COPG2: variants seen among roughly 807,000 people sequenced by gnomAD.
The protein encoded by COPG2 is coat protein complex I subunit gamma 2, also known as coatomer subunit gamma-2.
COPG2 carries 37 observed loss-of-function variants against 46.3 expected under a neutral mutation model. That is an observed-to-expected ratio of 0.80 (90% CI 0.61 to 1.05). The LOEUF (loss-of-function observed/expected upper bound fraction) is 1.05, where lower values mean the gene tolerates loss of function less well. Ranked by LOEUF, COPG2 falls within the 50% of genes least tolerant of loss-of-function variation. The pLI is 0.00. For missense variants in COPG2, 427 were observed against 387.8 expected (o/e 1.10, Z -0.85); for synonymous variants, 159 against 129.7 (o/e 1.23, Z -1.53).
At chr7:130,637,457 C>T (rs543855587) in intron 5 of COPG2, among the ~76,000 whole-genome samples, 3 of 152,264 alleles carry the variant, frequency 2.0e-5, no homozygotes, top group African/African-American at 7.2e-5. Flanking sequence ...TGTCTTCACA[C>T]TTTATTTCAT....
intron 5 of COPG2, among the ~76,000 whole-genome samples, chr7:130,642,575 C>G (rs1361240926): frequency 2.0e-5 from 3 of 152,174 alleles, no homozygotes; most frequent in African/African-American, 7.2e-5. Context: ...CCTGAATCAG[C>G]AATTTTTTCC....
At position 130,506,531 on chromosome 7, in the gene COPG2, G is replaced by C. The variant is rs868973477; in HGVS notation, c.*145C>G. ...CATGCGCAAAGATAGACATTTGCTT[G>C]ATCTGCTGGCTCAGGGCCAAATGTT... On this transcript the variant is annotated 3_prime_UTR_variant, in exon 24 of 24. Coordinates refer to ENST00000425248, the MANE Select transcript of COPG2 (RefSeq NM_012133.6). 1 of 455,282 alleles carries C rather than the reference G, an allele frequency of 2.2e-6. No homozygotes were observed. The highest frequency in any genetic ancestry group is 2.1e-5 in the African/African-American group (1 of 48,282). 28.2% of individuals were successfully genotyped at this position (455,282 alleles called of 1,614,324 possible). A position where few individuals can be genotyped will look rare whatever the true frequency, so the allele number is the denominator to read the frequency against.
chr7:130,640,210 G>A (rs1429812662), intron 5 of COPG2, among the ~76,000 whole-genome samples: 1 of 142,422 alleles, frequency 7.0e-6, no homozygotes, highest in African/African-American at 2.6e-5. Context: ...AGAGAGATGG[G>A]CTTCTTTCTC....
In COPG2 at chr7:130,667,436, A is replaced by T. The variant is rs1469167606; in HGVS notation, c.90+46T>A. The T allele has an allele frequency of 2.6e-6, 4 of 1,538,778 alleles. No homozygotes were observed. In the Admixed American group the frequency reaches 6.8e-5, roughly 26 times the overall value. Reference sequence around the variant, plus strand: ...CCAGGGATTCTCTGCCCACCACTCTAAAACAGAATAGAAAAGAAAGGGCAC... The same window carrying T: ...CCAGGGATTCTCTGCCCACCACTCTTAAACAGAATAGAAAAGAAAGGGCAC... On this transcript the variant is annotated intron_variant, in intron 2 of 23. Coordinates refer to ENST00000425248, the MANE Select transcript of COPG2 (RefSeq NM_012133.6).
At chr7:130,636,199 T>C (rs1481766095) in intron 5 of COPG2, among the ~76,000 whole-genome samples, 1 of 152,174 alleles carries the variant, frequency 6.6e-6, no homozygotes, top group Non-Finnish European at 1.5e-5. Context: ...GGTGGAGAGT[T>C]CTGTAGATTT....
Position 130,550,660 on chromosome 7 carries a change from T to A in COPG2, c.1649-11A>T. ...CAGAGACCGTCAAACCTGTGAAACA[T>A]AGAGAAATCTCAGCATTATAACCTC... On this transcript the variant is annotated splice_polypyrimidine_tract_variant and intron_variant, in intron 16 of 23. Transcript: ENST00000425248. 2.5e-6 allele frequency: 1 copy of A among 396,936 alleles called. No individual in the cohort carries two copies. Among genetic ancestry groups the A allele is most frequent in the Non-Finnish European group, 4.4e-6 (1 of 225,066 alleles). The allele number at this position is 396,936 out of a possible 1,614,324, so 24.6% of individuals were successfully genotyped here.
intron 9 of COPG2, among the ~76,000 whole-genome samples, chr7:130,577,935 T>C (rs1318716368): frequency 1.3e-5 from 2 of 152,106 alleles, no homozygotes; most frequent in Non-Finnish European, 2.9e-5. Context: ...GCGCCCGCCA[T>C]TGCCCAGGCT....
intron 20 of COPG2, among the ~76,000 whole-genome samples, chr7:130,529,504 C>G (rs1314349332): frequency 3.9e-5 from 6 of 152,022 alleles, no homozygotes; most frequent in Non-Finnish European, 5.9e-5. Flanking sequence ...GTAAAGGGGC[C>G]AAGTGAATAG....
chr7:130,510,499 T>C (rs531227558), intron 20 of COPG2, among the ~76,000 whole-genome samples: 3 of 152,250 alleles, frequency 2.0e-5, no homozygotes, highest in East Asian at 1.9e-4. Context: ...ACATTAATTA[T>C]AGCAACCCAG....
chr7:130,602,212 G>A (rs1016921216), intron 9 of COPG2, among the ~76,000 whole-genome samples: 17 of 152,110 alleles, frequency 1.1e-4, no homozygotes, highest in Non-Finnish European at 2.2e-4. Flanking sequence ...ACTTCTAACC[G>A]ATTTCTTTCC....
chr7:130,553,650 G>A (rs1402917789), intron 14 of COPG2, among the ~76,000 whole-genome samples: 2 of 152,130 alleles, frequency 1.3e-5, no homozygotes, highest in African/African-American at 4.8e-5. Context: ...AGACATGACT[G>A]GAATGTCACA....
intron 5 of COPG2, among the ~76,000 whole-genome samples, chr7:130,621,205 C>T (rs1445664018): frequency 6.6e-6 from 1 of 152,194 alleles, no homozygotes; most frequent in Admixed American, 6.5e-5. Flanking sequence ...TGCCCTAGAG[C>T]CTGCAGAAGG....
At position 130,587,400 on chromosome 7, in the gene COPG2, G is replaced by C. The variant is rs563802795; in HGVS notation, c.738-23007C>G. 2.0e-5 allele frequency among the ~76,000 whole-genome samples: 3 copies of C among 152,108 alleles called. No homozygotes were observed. The South Asian group carries it at 6.2e-4, about 32-fold the overall frequency. On this transcript the variant is annotated intron_variant, in intron 9 of 23. Coordinates refer to ENST00000425248, the MANE Select transcript of COPG2 (RefSeq NM_012133.6). ...GTCCTAAAATGCTTTCCAATATCCA[G>C]TTGGATATTGTTACTACAAAAATCA...
In COPG2 at chr7:130,582,816, T is replaced by C. The variant is rs1344400585; in HGVS notation, c.738-18423A>G. The stretch of plus-strand genomic sequence containing the variant: ...CAATGAGATACCATCTCACAACAGT[T>C]AGAATGGCAATCATTAAAAAGTCAG... On this transcript the variant is annotated intron_variant, in intron 9 of 23. Coordinates refer to ENST00000425248, the MANE Select transcript of COPG2 (RefSeq NM_012133.6). 3.3e-5 allele frequency among the ~76,000 whole-genome samples: 5 copies of C among 151,890 alleles called. No homozygotes were observed. In the East Asian group the frequency reaches 9.7e-4, roughly 29 times the overall value.
intron 9 of COPG2, among the ~76,000 whole-genome samples, chr7:130,584,572 C>A (rs980639754): frequency 6.6e-5 from 10 of 151,980 alleles, no homozygotes; most frequent in Non-Finnish European, 1.5e-4. Flanking sequence ...AAAGACTCCT[C>A]CAGAAATCTC....
At chr7:130,621,395 C>G (rs1223244273) in intron 5 of COPG2, among the ~76,000 whole-genome samples, 1 of 152,226 alleles carries the variant, frequency 6.6e-6, no homozygotes, top group Non-Finnish European at 1.5e-5. Context: ...CACATTTATT[C>G]TGTAAATATT....
chr7:130,562,934 G>A (rs1793740483), intron 11 of COPG2, among the ~76,000 whole-genome samples: 1 of 152,174 alleles, frequency 6.6e-6, no homozygotes, highest in Non-Finnish European at 1.5e-5. Context: ...ACCACATGTG[G>A]CTGTGAGTAC....
chr7:130,643,092 C>T (rs1334581213), intron 5 of COPG2, among the ~76,000 whole-genome samples: 11 of 151,610 alleles, frequency 7.3e-5, no homozygotes, highest in East Asian at 3.9e-4. Flanking sequence ...GTCAGGAGAT[C>T]GAGACCATCC....
In COPG2 at chr7:130,536,562, C is replaced by T. The variant is rs1163606379; in HGVS notation, c.2149+11112G>A. 2.0e-5 allele frequency among the ~76,000 whole-genome samples: 3 copies of T among 152,302 alleles called. No homozygotes were observed. In the East Asian group the frequency reaches 5.8e-4, roughly 29 times the overall value. ...TGCTTCTGATAGGCTTCCTCGGGGT[C>T]CTGCATCCTCGGGTGAGAATCACTG... On this transcript the variant is annotated intron_variant, in intron 20 of 23. Coordinates refer to ENST00000425248, the MANE Select transcript of COPG2 (RefSeq NM_012133.6).
Sources: gnomAD v4.1 joint callset for allele counts (sites outside exome capture counted in the v4.1 genomes callset) on GRCh38, gnomAD v4.1.1 for gene constraint, MANE v1.5 for transcripts, NCBI Gene and HGNC (gene_info 2026-07-23, HGNC 2026-07-21) for gene names.